Variants in HPF1 observed in about 807,000 individuals in gnomAD.
The protein encoded by HPF1 is UPF0609 protein C4orf27.
HPF1 carries 35 observed loss-of-function variants against 38.8 expected under a neutral mutation model. That is an observed-to-expected ratio of 0.90 (90% CI 0.69 to 1.19). The LOEUF (loss-of-function observed/expected upper bound fraction) is 1.19, where lower values mean the gene tolerates loss of function less well. Ranked by LOEUF, HPF1 falls within the 50% of genes most tolerant of loss-of-function variation. The pLI is 0.00. For synonymous variants in HPF1, 115 were observed against 139.2 expected (o/e 0.83, Z 1.22); for missense variants, 367 against 405.8 (o/e 0.90, Z 0.82).
intron 6 of HPF1, among the ~76,000 whole-genome samples, chr4:169,734,856 G>A (rs1029897930): frequency 6.6e-6 from 1 of 152,136 alleles, no homozygotes; most frequent in African/African-American, 2.4e-5. Context: ...AACCAAGTAT[G>A]AAAACCAGTG....
chr4:169,757,255 C>T (rs1734199550), intron 1 of HPF1, among the ~76,000 whole-genome samples: 1 of 152,110 alleles, frequency 6.6e-6, no homozygotes, highest in African/African-American at 2.4e-5. Context: ...CCAAACATCT[C>T]CTACAGTTTT....
intron 4 of HPF1, 135 bp from the exon 5 acceptor site, chr4:169,742,242 C>A: frequency 1.4e-6 from 1 of 692,634 alleles, no homozygotes; most frequent in Non-Finnish European, 2.4e-6. Flanking sequence ...CAACACTTCT[C>A]TCAAAATCCC....
intron 5 of HPF1, among the ~76,000 whole-genome samples, chr4:169,741,133 C>T (rs1392901914): frequency 2.0e-5 from 3 of 152,138 alleles, no homozygotes; most frequent in Non-Finnish European, 2.9e-5. Context: ...ACAAATGTCA[C>T]CCCTGCAGCT....
At chr4:169,747,021 A>C (rs2150292242) in intron 4 of HPF1, among the ~76,000 whole-genome samples, 1 of 151,020 alleles carries the variant, frequency 6.6e-6, no homozygotes, top group East Asian at 1.9e-4. Flanking sequence ...GACTAATAAC[A>C]CAAATGAAAA....
At position 169,757,943 on chromosome 4, in the gene HPF1, C is replaced by G; in HGVS notation, c.-66G>C. On this transcript the variant is annotated 5_prime_UTR_variant, in exon 1 of 8. Coordinates refer to ENST00000393381, the MANE Select transcript of HPF1 (RefSeq NM_017867.3). ...CGCTTCCGAGCGCCGCCAACCGCTT[C>G]CGGGTTCAAAAGCCTCCAAGCCGAA... The G allele has an allele frequency of 6.7e-7, 1 of 1,492,168 alleles. No individual in the cohort carries two copies. The highest frequency in any genetic ancestry group is 9.0e-7 in the Non-Finnish European group (1 of 1,108,628). The allele number at this position is 1,492,168 out of a possible 1,614,324, so 92.4% of individuals were successfully genotyped here.
At chr4:169,748,666 C>G (rs1350080101) in intron 4 of HPF1, 78 bp downstream of exon 4, 1 of 689,330 alleles carries the variant, frequency 1.5e-6, no homozygotes, top group Non-Finnish European at 2.4e-6. Context: ...GCCACTGTGC[C>G]CAGCCCCTCA....
At chr4:169,732,440 C>A (rs1473505882) in intron 6 of HPF1, among the ~76,000 whole-genome samples, 1 of 152,116 alleles carries the variant, frequency 6.6e-6, no homozygotes, top group African/African-American at 2.4e-5. Context: ...GGCCCAGATA[C>A]AGTCATGATT....
intron 7 of HPF1, among the ~76,000 whole-genome samples, chr4:169,730,807 T>C (rs1733819432): frequency 6.6e-6 from 1 of 152,210 alleles, no homozygotes; most frequent in Non-Finnish European, 1.5e-5. Flanking sequence ...GACCTACCGA[T>C]AGAGTGCATT....
intron 2 of HPF1, 150 bp downstream of exon 2, chr4:169,753,526 C>T: frequency 1.5e-6 from 1 of 655,500 alleles, no homozygotes; most frequent in Non-Finnish European, 2.7e-6. Flanking sequence ...GTGGAGGTCT[C>T]ACTATGTTGA....
At chr4:169,751,843 G>A (rs13151680) in intron 2 of HPF1, among the ~76,000 whole-genome samples, 6,910 of 152,172 alleles carry the variant, frequency 0.045, 301 homozygotes, top group African/African-American at 0.11. Flanking sequence ...CTCATTAGCC[G>A]AAGATAACAG....
At chr4:169,736,161 G>A (rs556753495) in intron 6 of HPF1, among the ~76,000 whole-genome samples, 8 of 151,562 alleles carry the variant, frequency 5.3e-5, no homozygotes, top group Non-Finnish European at 7.4e-5. Flanking sequence ...GGTTGATCAC[G>A]TGAGCCCAGG....
chr4:169,733,612 T>C (rs1218852607), intron 6 of HPF1, among the ~76,000 whole-genome samples: 4 of 152,226 alleles, frequency 2.6e-5, no homozygotes, highest in African/African-American at 4.8e-5. Context: ...AGGGACGGGC[T>C]GAGCGCAGTG....
At position 169,746,746 on chromosome 4, in the gene HPF1, G is replaced by A. The variant is rs200802510; in HGVS notation, c.497+1998C>T. ...AGGTAGTACCTAAAAAACTAAAACC[G>A]TTATAATACTTTAAAAGTACTAAAA... On this transcript the variant is annotated intron_variant, in intron 4 of 7. Coordinates refer to ENST00000393381, the MANE Select transcript of HPF1 (RefSeq NM_017867.3). Among the ~76,000 whole-genome samples the A allele has an allele frequency of 1.1e-4, 16 of 151,954 alleles. No individual in the cohort carries two copies. The East Asian group carries it at 1.7e-3, about 17-fold the overall frequency.
chr4:169,740,992 T>C (rs575901666), intron 5 of HPF1, among the ~76,000 whole-genome samples: 2 of 152,340 alleles, frequency 1.3e-5, no homozygotes, highest in Admixed American at 1.3e-4. Flanking sequence ...AAGCTTCCTG[T>C]GATAACCAGA....
chr4:169,734,659 G>A (rs1244396722), intron 6 of HPF1, among the ~76,000 whole-genome samples: 1 of 152,160 alleles, frequency 6.6e-6, no homozygotes, highest in Non-Finnish European at 1.5e-5. Flanking sequence ...TGACTTAAAT[G>A]TTTCTACTCA....
chr4:169,755,218 T>A (rs1163429098), intron 1 of HPF1, among the ~76,000 whole-genome samples: 1 of 152,176 alleles, frequency 6.6e-6, no homozygotes, highest in East Asian at 1.9e-4. Context: ...ATGAAATACC[T>A]ATTGTTAGGA....
At position 169,748,376 on chromosome 4, in the gene HPF1, G is replaced by GT. The variant is rs1048964480; in HGVS notation, c.497+367dup. Among the ~76,000 whole-genome samples the GT allele has an allele frequency of 8.2e-3, 1,185 of 144,820 alleles. 22 individuals carry two copies. Among genetic ancestry groups the GT allele is most frequent in the African/African-American group, 0.024 (972 of 39,720 alleles). ...TATGGGCTTGTCTCAAATCCGCTTT[G>GT]TTTTTTTTTTTGGAGATAGAGTCTC... On this transcript the variant is annotated intron_variant, in intron 4 of 7. Coordinates refer to ENST00000393381, the MANE Select transcript of HPF1 (RefSeq NM_017867.3).
intron 5 of HPF1, among the ~76,000 whole-genome samples, chr4:169,738,303 C>G (rs1254091687): frequency 6.6e-6 from 1 of 152,142 alleles, no homozygotes; most frequent in Non-Finnish European, 1.5e-5. Context: ...AATCACATAA[C>G]CAGTGAGCTT....
intron 6 of HPF1, 37 bp downstream of exon 6, chr4:169,737,623 T>C (rs1447394098): frequency 8.1e-7 from 1 of 1,236,344 alleles, no homozygotes; most frequent in Non-Finnish European, 1.2e-6. Context: ...TCATGTGCAT[T>C]AACATATATG....
Sources: gnomAD v4.1 joint callset for allele counts (sites outside exome capture counted in the v4.1 genomes callset) on GRCh38, gnomAD v4.1.1 for gene constraint, MANE v1.5 for transcripts, NCBI Gene and HGNC (gene_info 2026-07-23, HGNC 2026-07-21) for gene names.